The following VPS8 variants were observed in gnomAD, a reference collection of about 807,000 sequenced individuals.
VPS8 encodes the protein vacuolar protein sorting-associated protein 8 homolog.
Under a neutral mutation model 216.4 loss-of-function variants are expected in VPS8, and 129 were observed. The ratio of observed to expected loss-of-function variants is 0.60; its 90% CI spans 0.52 to 0.69. VPS8 has a LOEUF of 0.69. VPS8 is among the 30% of genes least tolerant of loss of function. The pLI, the probability that VPS8 is intolerant of heterozygous loss-of-function variation, is 0.00. For synonymous variants in VPS8, 571 were observed against 565.4 expected (o/e 1.01, Z -0.14); for missense variants, 1,531 against 1,683.5 (o/e 0.91, Z 1.59).
At position 185,051,974 on chromosome 3, in the gene VPS8, GA is replaced by G. The variant is rs1561288491; in HGVS notation, c.4238del (p.Asn1413MetfsTer13). ...CTCCTGCTTTCAACAGCATCTTCCAGAATGAGAACTTCCAGCTGCAGCTCAT... is the reference window on the plus strand; with the variant it reads ...CTCCTGCTTTCAACAGCATCTTCCAGATGAGAACTTCCAGCTGCAGCTCAT... ...SAPAFNSIFQNENFQLQLIPP... is the reference protein window; with the variant it reads ...SAPAFNSIFQXENFQLQLIPP... On this transcript the variant is annotated frameshift_variant, in exon 48 of 48. Transcript: ENST00000625842. LOFTEE classifies it high-confidence loss of function. The G allele has an allele frequency of 1.2e-6, 2 of 1,612,630 alleles. No individual in the cohort carries two copies. The highest frequency in any genetic ancestry group is 1.7e-6 in the Non-Finnish European group (2 of 1,178,986).
At chr3:184,996,546 T>G (rs1448041770) in intron 44 of VPS8, 45 bp downstream of exon 44, 1 of 1,536,904 alleles carries the variant, frequency 6.5e-7, no homozygotes, top group East Asian at 2.3e-5. Context: ...CATGTACATC[T>G]GTGGCATTAC....
At chr3:184,906,318 G>A (rs1735485038) in intron 25 of VPS8, among the ~76,000 whole-genome samples, 1 of 151,948 alleles carries the variant, frequency 6.6e-6, no homozygotes, top group African/African-American at 2.4e-5. Context: ...AGAATTTGTT[G>A]AGACTTATTT....
chr3:184,948,317 G>A (rs1246380636), intron 36 of VPS8, among the ~76,000 whole-genome samples: 2 of 151,316 alleles, frequency 1.3e-5, no homozygotes, highest in Non-Finnish European at 2.9e-5. Flanking sequence ...TTCAAGACCA[G>A]CCTGGGCAAC....
intron 23 of VPS8, among the ~76,000 whole-genome samples, chr3:184,898,078 A>G (rs2108965080): frequency 6.6e-6 from 1 of 152,264 alleles, no homozygotes; most frequent in Middle Eastern, 3.4e-3. Context: ...TTTGTAAATA[A>G]TGAATTATTT....
intron 46 of VPS8, among the ~76,000 whole-genome samples, chr3:185,039,187 G>A (rs1759302776): frequency 6.6e-6 from 1 of 152,178 alleles, no homozygotes; most frequent in African/African-American, 2.4e-5. Context: ...ATTTCATAGT[G>A]TAGGGAGGAT....
At chr3:185,016,024 C>G (rs1755737525) in intron 45 of VPS8, among the ~76,000 whole-genome samples, 1 of 152,216 alleles carries the variant, frequency 6.6e-6, no homozygotes, top group African/African-American at 2.4e-5. Flanking sequence ...TTTTGATTAG[C>G]TGCAGCTCTG....
At chr3:184,972,767 C>T (rs1332642952) in intron 40 of VPS8, among the ~76,000 whole-genome samples, 1 of 152,110 alleles carries the variant, frequency 6.6e-6, no homozygotes, top group Non-Finnish European at 1.5e-5. Flanking sequence ...ACTAAGGGGG[C>T]GAGATGTGAT....
chr3:185,044,487 G>A (rs937055130), intron 46 of VPS8, among the ~76,000 whole-genome samples: 3 of 152,274 alleles, frequency 2.0e-5, no homozygotes, highest in South Asian at 2.1e-4. Flanking sequence ...AAAGTGAGCC[G>A]CTGCAGCAGG....
intron 22 of VPS8, among the ~76,000 whole-genome samples, chr3:184,888,001 T>C (rs1450840799): frequency 6.6e-6 from 1 of 151,872 alleles, no homozygotes; most frequent in Non-Finnish European, 1.5e-5. Flanking sequence ...TTTTTTTTTT[T>C]TTTGGAGACA....
chr3:184,922,456 C>T (rs1364239882), intron 29 of VPS8: 2 of 453,436 alleles, frequency 4.4e-6, no homozygotes, highest in South Asian at 1.6e-5. Flanking sequence ...CAGCACAATG[C>T]CTGTAACCCA....
chr3:184,896,870 T>C (rs1198366596), intron 23 of VPS8, among the ~76,000 whole-genome samples: 3 of 152,224 alleles, frequency 2.0e-5, no homozygotes, highest in Non-Finnish European at 4.4e-5. Context: ...TTAGATTGGC[T>C]AATTATAGAT....
At chr3:184,928,704 TTAG>T (rs1214744285) in intron 32 of VPS8, among the ~76,000 whole-genome samples, 171 bp downstream of exon 32, 1 of 152,186 alleles carries the variant, frequency 6.6e-6, no homozygotes, top group Admixed American at 6.5e-5. Context: ...ATTCTAGAAA[TTAG>T]TAAAATTTGC....
intron 39 of VPS8, among the ~76,000 whole-genome samples, chr3:184,968,140 T>A (rs1185409024): frequency 6.6e-6 from 1 of 152,216 alleles, no homozygotes; most frequent in Non-Finnish European, 1.5e-5. Context: ...TGAAATTATA[T>A]AGTGTTTGTC....
intron 25 of VPS8, among the ~76,000 whole-genome samples, chr3:184,905,484 T>C (rs1165024460): frequency 6.6e-6 from 1 of 152,194 alleles, no homozygotes; most frequent in Non-Finnish European, 1.5e-5. Flanking sequence ...TTCTCTCTTT[T>C]TTTAGTCTGT....
chr3:184,993,534 A>G (rs769584805), intron 42 of VPS8, among the ~76,000 whole-genome samples: 14 of 152,232 alleles, frequency 9.2e-5, no homozygotes, highest in African/African-American at 3.1e-4. Flanking sequence ...TTTTCTCAGA[A>G]CCTGTTTGTC....
intron 45 of VPS8, among the ~76,000 whole-genome samples, chr3:185,019,100 G>C (rs1018754379): frequency 6.6e-6 from 1 of 152,124 alleles, no homozygotes; most frequent in African/African-American, 2.4e-5. Context: ...AGAGTGAAAA[G>C]GTTCCAAGGT....
chr3:184,815,454 A>G (rs1189242647), intron 1 of VPS8, among the ~76,000 whole-genome samples: 1 of 152,152 alleles, frequency 6.6e-6, no homozygotes, highest in Non-Finnish European at 1.5e-5. Flanking sequence ...CCATGGTTGT[A>G]TATGTGGTCT....
At chr3:184,907,460 T>C (rs1408293801) in intron 25 of VPS8, among the ~76,000 whole-genome samples, 2 of 152,210 alleles carry the variant, frequency 1.3e-5, no homozygotes, top group East Asian at 1.9e-4. Context: ...AGGGATAGAA[T>C]GGGATCAGGT....
At position 185,018,291 on chromosome 3, in the gene VPS8, A is replaced by C. The variant is rs143195041; in HGVS notation, c.4003-6045A>C. On this transcript the variant is annotated intron_variant, in intron 45 of 47. Coordinates refer to ENST00000625842, the MANE Select transcript of VPS8 (RefSeq NM_001009921.3). ...CCTTTTTAAGAGACTCCTGTAACCG[A>C]GCCATAAAATCTGCATACGGTTCTT... is the stretch of plus-strand genomic sequence containing the variant. Among the ~76,000 whole-genome samples the C allele has an allele frequency of 6.1e-3, 936 of 152,326 alleles. 8 individuals are homozygous for C. The highest frequency in any genetic ancestry group is 0.021 in the African/African-American group (875 of 41,572).
Sources: allele counts gnomAD v4.1 joint callset (sites outside exome capture counted in the v4.1 genomes callset), GRCh38; gene constraint gnomAD v4.1.1; transcripts MANE v1.5; gene names NCBI Gene and HGNC (gene_info 2026-07-23, HGNC 2026-07-21).